The following MDM1 variants were observed in gnomAD, a reference collection of about 807,000 sequenced individuals.
MDM1 encodes stabilizer of axonemal microtubules 6.
A neutral mutation model predicts 89.1 loss-of-function variants in MDM1; 61 were observed. That is an observed-to-expected ratio of 0.68 (90% CI 0.56 to 0.85). The LOEUF (loss-of-function observed/expected upper bound fraction) is 0.85, where lower values mean the gene tolerates loss of function less well. Among genes scored for constraint, MDM1 ranks in the 40% least tolerant of loss-of-function variants. The pLI is 0.00. For synonymous variants in MDM1, 290 were observed against 294.1 expected (o/e 0.99, Z 0.14); for missense variants, 820 against 846.5 (o/e 0.97, Z 0.39).
chr12:68,307,396 G>A (rs139337008), intron 12 of MDM1, among the ~76,000 whole-genome samples: 108 of 152,334 alleles, frequency 7.1e-4, no homozygotes, highest in African/African-American at 2.3e-3. Context: ...ACCACTTTGG[G>A]AGGCCAAGAA....
intron 4 of MDM1, chr12:68,324,920 C>G: frequency 5.2e-6 from 4 of 771,040 alleles, no homozygotes; most frequent in Non-Finnish European, 6.3e-6. Flanking sequence ...CACATCATTA[C>G]AGCTTTTGAA....
intron 10 of MDM1, among the ~76,000 whole-genome samples, chr12:68,314,443 G>A (rs1874182051): frequency 6.6e-6 from 1 of 152,090 alleles, no homozygotes; most frequent in Non-Finnish European, 1.5e-5. Flanking sequence ...TAACATCCAT[G>A]AATGAATAAA....
rs187119579 is a variant in MDM1 at position 68,321,613 on chromosome 12, C to T, written c.817G>A (p.Asp273Asn). The change falls in exon 6 of 15, where the codon GAT becomes AAT. Residue 273 changes from aspartate (D) to asparagine (N), a missense_variant. By Grantham distance (23) the Asp-to-Asn change is conservative. Coordinates refer to ENST00000682720, the MANE Select transcript of MDM1 (RefSeq NM_001354969.2). ...ATCTCTGCTTCCAATTTTAAACGAT[C>T]GTCTATTTTATTACTCTGAAATGGA... is the stretch of plus-strand genomic sequence containing the variant. ...SPERKSNKIDDRLKLEAEMEL... is the reference protein window; with the variant it reads ...SPERKSNKIDNRLKLEAEMEL... 587 of 1,609,468 alleles carry T rather than the reference C, an allele frequency of 3.6e-4. No individual in the cohort carries two copies. Among genetic ancestry groups the T allele is most frequent in the Non-Finnish European group, 4.7e-4 (554 of 1,177,864 alleles).
intron 2 of MDM1, 122 bp from the exon 3 acceptor site, chr12:68,327,143 T>A: frequency 7.1e-7 from 1 of 1,412,514 alleles, no homozygotes; most frequent in Non-Finnish European, 9.2e-7. Context: ...TGTACCTATA[T>A]ATACACACAA....
Position 68,315,018 on chromosome 12 carries a change from G to C in MDM1, c.1459C>G (p.Gln487Glu). The C allele has an allele frequency of 2.5e-6, 4 of 1,614,030 alleles. No individual in the cohort carries two copies. The highest frequency in any genetic ancestry group is 3.4e-6 in the Non-Finnish European group (4 of 1,180,022). The part of the protein sequence containing the change: ...EEEGDRKTGK[Q>E]AFMGEQEKLD... ...TTCTCTTGCTCTCCCATAAAAGCCT[G>C]CTTGCCCGTTTTCCTGTCCCCTTCC... The change falls in exon 10 of 15, where the codon CAG (glutamine) becomes GAG (glutamate). Residue 487 changes from glutamine (Q) to glutamate (E), a missense_variant. Coordinates refer to ENST00000682720, the MANE Select transcript of MDM1 (RefSeq NM_001354969.2).
chr12:68,328,243 T>C (rs1398377022), intron 2 of MDM1, among the ~76,000 whole-genome samples: 1 of 152,238 alleles, frequency 6.6e-6, no homozygotes, highest in Non-Finnish European at 1.5e-5. Flanking sequence ...CAGCATCTTA[T>C]TTCATATAGC....
chr12:68,321,083 G>T, intron 7 of MDM1: 1 of 325,696 alleles, frequency 3.1e-6, no homozygotes, highest in South Asian at 1.0e-4. Flanking sequence ...TCTATAAATT[G>T]ACTATTAACA....
rs769049634 is a variant in MDM1 at position 68,313,733 on chromosome 12, G to A, written c.1550C>T (p.Ser517Leu). Residue 517 changes from serine to leucine, a missense_variant, in exon 11 of 15, where the codon TCA becomes TTA. Physicochemically the swap from Ser to Leu is moderately radical, Grantham distance 145 (BLOSUM62 -2). Coordinates refer to ENST00000682720, the MANE Select transcript of MDM1 (RefSeq NM_001354969.2). ...AGTAGGAAGCCGGCCTCCTTTTTCTGAGGATACAGAAGAATCTGACCTATA... is the reference window on the plus strand; with the variant it reads ...AGTAGGAAGCCGGCCTCCTTTTTCTAAGGATACAGAAGAATCTGACCTATA... ...MKEGSDSSVS[S>L]EKGGRLPTPK... The A allele has an allele frequency of 1.4e-5, 23 of 1,613,778 alleles. No homozygotes were observed. Among genetic ancestry groups the A allele is most frequent in the Non-Finnish European group, 1.5e-5 (18 of 1,179,670 alleles).
At chr12:68,314,376 G>A (rs1008936676) in intron 10 of MDM1, among the ~76,000 whole-genome samples, 5 of 152,224 alleles carry the variant, frequency 3.3e-5, no homozygotes, top group African/African-American at 9.6e-5. Context: ...GAAAATCACT[G>A]CCAAGTCAGC....
rs545781122 is a variant in MDM1, at chr12:68,315,269, C to A, written c.1212-4G>T. On this transcript the variant is annotated splice_polypyrimidine_tract_variant and splice_region_variant and intron_variant, in intron 9 of 14. Transcript: ENST00000682720. ...AGTCTTATGGCTTGTAGGATCTCTG[C>A]GTAACAAAATCAATTTTATTTTAAA... 1.3e-6 allele frequency: 2 copies of A among 1,597,316 alleles called. No homozygotes were observed. Among genetic ancestry groups the A allele is most frequent in the Admixed American group, 1.8e-5 (1 of 56,460 alleles).
Position 68,297,360 on chromosome 12 carries a change from A to G in MDM1, c.2003-378T>C, listed in dbSNP as rs369684339. Among the ~76,000 whole-genome samples, 94 of 152,338 alleles carry G rather than the reference A, an allele frequency of 6.2e-4. 1 individual carries two copies. In the South Asian group the frequency reaches 0.014, roughly 22 times the overall value. The stretch of plus-strand genomic sequence containing the variant: ...AGAAGAACAAACTCATAGGACAAAG[A>G]GAATGGGAGCAAATAAGACAGCAAG... On this transcript the variant is annotated intron_variant, in intron 13 of 14. Coordinates refer to ENST00000682720, the MANE Select transcript of MDM1 (RefSeq NM_001354969.2).
intron 13 of MDM1, among the ~76,000 whole-genome samples, chr12:68,300,184 T>C (rs961387867): frequency 6.6e-6 from 1 of 152,288 alleles, no homozygotes; most frequent in Non-Finnish European, 1.5e-5. Context: ...AAATGCTAAG[T>C]AGGAGTTCTA....
intron 12 of MDM1, among the ~76,000 whole-genome samples, chr12:68,311,716 A>G (rs968844825): frequency 6.6e-6 from 1 of 152,096 alleles, no homozygotes; most frequent in Admixed American, 6.5e-5. Flanking sequence ...TGTGTCTTCC[A>G]TCTTGTTCTC....
intron 7 of MDM1, among the ~76,000 whole-genome samples, chr12:68,320,469 G>A (rs921204637): frequency 3.3e-5 from 5 of 152,120 alleles, no homozygotes; most frequent in East Asian, 3.8e-4. Context: ...CATGGCAGTC[G>A]CCAGGACATA....
Position 68,295,216 on chromosome 12 carries a change from T to G in MDM1, c.*38A>C, listed in dbSNP as rs1373407599. The G allele has an allele frequency of 7.3e-7, 1 of 1,362,168 alleles. No individual in the cohort carries two copies. The highest frequency in any genetic ancestry group is 1.0e-6 in the Non-Finnish European group (1 of 977,974). 84.4% of individuals were successfully genotyped at this position (1,362,168 alleles called of 1,614,324 possible). On this transcript the variant is annotated 3_prime_UTR_variant, in exon 15 of 15. Transcript: ENST00000682720. ...CACAGTAAGCAATAAAGAAAAATTA[T>G]GCCAATGTTTCCTTAGATAAAGGCA...
intron 14 of MDM1, 104 bp downstream of exon 14, chr12:68,296,819 C>A: frequency 1.5e-6 from 1 of 686,652 alleles, no homozygotes. Context: ...AATGAAAAAT[C>A]TGTGGAAGTA....
At position 68,313,567 on chromosome 12, in the gene MDM1, A is replaced by C. The variant is rs769870759; in HGVS notation, c.1640-15T>G. ...AACAGCACCACCTGGAAAAATAAAG[A>C]TGACAGTTTCAATTACACTAAATTA... On this transcript the variant is annotated splice_polypyrimidine_tract_variant and intron_variant, in intron 11 of 14. Transcript: ENST00000682720. 1.2e-6 allele frequency: 2 copies of C among 1,611,202 alleles called. No homozygotes were observed. The highest frequency in any genetic ancestry group is 1.1e-5 in the South Asian group (1 of 90,918).
chr12:68,330,451 T>C (rs533224643), intron 2 of MDM1, among the ~76,000 whole-genome samples: 36 of 152,254 alleles, frequency 2.4e-4, no homozygotes, highest in Non-Finnish European at 4.0e-4. Flanking sequence ...CGTGTAAGTG[T>C]GCATTCATCT....
chr12:68,307,515 T>A (rs953967514), intron 12 of MDM1, among the ~76,000 whole-genome samples: 1 of 151,966 alleles, frequency 6.6e-6, no homozygotes, highest in Non-Finnish European at 1.5e-5. Flanking sequence ...GTGGCACATA[T>A]CTGTGGTCCC....
Sources: gnomAD v4.1 joint callset for allele counts (sites outside exome capture counted in the v4.1 genomes callset) on GRCh38, gnomAD v4.1.1 for gene constraint, MANE v1.5 for transcripts, NCBI Gene and HGNC (gene_info 2026-07-23, HGNC 2026-07-21) for gene names.